Variants in TBC1D8B observed in about 807,000 individuals in gnomAD.
TBC1D8B encodes TBC1 domain family member 8B.
Under a neutral mutation model 82.9 loss-of-function variants are expected in TBC1D8B, and 75 were observed. That is an observed-to-expected ratio of 0.90 (90% CI 0.75 to 1.10). The LOEUF (loss-of-function observed/expected upper bound fraction) is 1.10. Among genes scored for constraint, TBC1D8B ranks in the 50% least tolerant of loss-of-function variants. The probability of loss-of-function intolerance (pLI) is 0.00; values close to 1 mark genes in which losing one functional copy is unlikely to be tolerated. For missense variants in TBC1D8B, 794 were observed against 796.9 expected (o/e 1.00, Z 0.04); for synonymous variants, 276 against 276.8 (o/e 1.00, Z 0.03).
At chrX:106,807,706 G>C (rs1223376163) in intron 1 of TBC1D8B, among the ~76,000 whole-genome samples, 2 of 110,872 alleles carry the variant, frequency 1.8e-5, no homozygotes, top group East Asian at 5.7e-4. Flanking sequence ...GAGGAAAACA[G>C]TGTGATTTGC....
At chrX:106,836,268 AACTC>A (rs913968461) in intron 7 of TBC1D8B, among the ~76,000 whole-genome samples, 25 of 111,563 alleles carry the variant, frequency 2.2e-4, no homozygotes, top group African/African-American at 8.1e-4. Context: ...ATCTCTTGAG[AACTC>A]ACTCACTATC....
chrX:106,831,216 T>C (rs1403782800), intron 7 of TBC1D8B, among the ~76,000 whole-genome samples: 1 of 111,806 alleles, frequency 8.9e-6, no homozygotes, highest in Non-Finnish European at 1.9e-5. Context: ...AGCCTTTTAC[T>C]GCTATCTCCA....
rs61326496 is a variant in TBC1D8B, at chrX:106,872,455, TTATATATATATATA to T, written c.2968-1095_2968-1082del. Reference sequence around the variant, plus strand: ...GTGAACTAGGAACCCAGAAAAATATTTATATATATATATATATATATATATATATATATGGAATT... The same window carrying T: ...GTGAACTAGGAACCCAGAAAAATATTTATATATATATATATATATGGAATT... On this transcript the variant is annotated intron_variant, in intron 20 of 20. Coordinates refer to ENST00000357242, the MANE Select transcript of TBC1D8B (RefSeq NM_017752.3). Among the ~76,000 whole-genome samples the T allele has an allele frequency of 1.5e-3, 111 of 73,294 alleles. 3 individuals are homozygous for T. Among genetic ancestry groups the T allele is most frequent in the African/African-American group, 6.5e-3 (107 of 16,519 alleles). 63.6% of individuals were successfully genotyped at this position (73,294 alleles called of 115,157 possible). A position where few individuals can be genotyped will look rare whatever the true frequency, so the allele number is the denominator to read the frequency against.
chrX:106,840,102 C>T lies in TBC1D8B; in HGVS notation c.1408C>T (p.Arg470Cys), dbSNP rs747511402. 16 of 1,206,615 alleles carry T rather than the reference C, an allele frequency of 1.3e-5. 1 individual carries two copies. In the South Asian group the frequency reaches 1.4e-4, roughly 11 times the overall value. The change falls in exon 9 of 21, where the codon CGT becomes TGT. Residue 470 changes from arginine to cysteine, a missense_variant. Coordinates refer to ENST00000357242, the MANE Select transcript of TBC1D8B (RefSeq NM_017752.3). Reference sequence around the variant, plus strand: ...GAAAATACTGTTTGCAGAATGTGGACGTGGTGTTAGTATGTTTCGAACCAA... The same window carrying T: ...GAAAATACTGTTTGCAGAATGTGGATGTGGTGTTAGTATGTTTCGAACCAA... Reference protein sequence around the residue: ...SWKILFAECGRGVSMFRTKKT... With the variant: ...SWKILFAECGCGVSMFRTKKT...
chrX:106,843,362 C>A (rs1246770162), intron 10 of TBC1D8B, among the ~76,000 whole-genome samples: 1 of 111,381 alleles, frequency 9.0e-6, no homozygotes, highest in Non-Finnish European at 1.9e-5. Flanking sequence ...TATTTTTTTA[C>A]CAAATCTCCC....
intron 12 of TBC1D8B, among the ~76,000 whole-genome samples, chrX:106,850,853 G>A (rs995823195): frequency 8.9e-6 from 1 of 111,845 alleles, no homozygotes; most frequent in African/African-American, 3.3e-5. Context: ...ATCCCATTAT[G>A]TACAGAATAA....
chrX:106,833,132 G>A (rs1295175335), intron 7 of TBC1D8B, among the ~76,000 whole-genome samples: 1 of 111,215 alleles, frequency 9.0e-6, no homozygotes, highest in Non-Finnish European at 1.9e-5. Flanking sequence ...ATTATACCGA[G>A]TTTATGAAGT....
At chrX:106,852,784 T>G (rs1354988529) in intron 12 of TBC1D8B, among the ~76,000 whole-genome samples, 38 of 111,256 alleles carry the variant, frequency 3.4e-4, no homozygotes, top group Non-Finnish European at 6.8e-4. Context: ...TATCTCTGTT[T>G]TGGTACCAGT....
chrX:106,867,495 G>T (rs1310908790), intron 17 of TBC1D8B, among the ~76,000 whole-genome samples: 1 of 111,434 alleles, frequency 9.0e-6, no homozygotes, highest in Non-Finnish European at 1.9e-5. Flanking sequence ...TGACTCCAAA[G>T]CTCACATTTC....
rs1156544717 is a variant in TBC1D8B, at chrX:106,846,083, C to T, written c.1720-2103C>T. Among the ~76,000 whole-genome samples the T allele has an allele frequency of 1.5e-4, 14 of 94,204 alleles. No individual in the cohort carries two copies. In the East Asian group the frequency reaches 2.3e-3, roughly 15 times the overall value. The allele number at this position is 94,204 out of a possible 115,157, so 81.8% of individuals were successfully genotyped here. ...CTAGATGTTGGTTTCTTTCTTTTTT[C>T]TCTCTCTCTCTCTTTTTTTTTTTTT... On this transcript the variant is annotated intron_variant, in intron 10 of 20. Transcript: ENST00000357242.
intron 1 of TBC1D8B, among the ~76,000 whole-genome samples, chrX:106,807,454 C>CTTT (rs753069652): frequency 1.2e-5 from 1 of 85,684 alleles, no homozygotes; most frequent in Non-Finnish European, 2.3e-5. Flanking sequence ...TTACCCTCAC[C>CTTT]TTTTTTTTTT....
At position 106,854,741 on chromosome X, in the gene TBC1D8B, A is replaced by G. The variant is rs368947294; in HGVS notation, c.2352+445A>G. On this transcript the variant is annotated intron_variant, in intron 14 of 20. Coordinates refer to ENST00000357242, the MANE Select transcript of TBC1D8B (RefSeq NM_017752.3). ...ATGTTTCCCAGGCTGTCTCAAACCCATGGGCTCAAGAGATCCTCCTTGCCT... is the reference window on the plus strand; with the variant it reads ...ATGTTTCCCAGGCTGTCTCAAACCCGTGGGCTCAAGAGATCCTCCTTGCCT... Among the ~76,000 whole-genome samples, 8 of 110,588 alleles carry G rather than the reference A, an allele frequency of 7.2e-5. No individual in the cohort carries two copies. In the East Asian group the frequency reaches 2.3e-3, roughly 32 times the overall value.
chrX:106,843,816 A>T (rs2147755262), intron 10 of TBC1D8B, among the ~76,000 whole-genome samples: 1 of 111,355 alleles, frequency 9.0e-6, no homozygotes, highest in South Asian at 3.7e-4. Context: ...TATTAACAAT[A>T]TTAACTCTTC....
chrX:106,869,331 A>C (rs1356356488), intron 18 of TBC1D8B, among the ~76,000 whole-genome samples, 154 bp from the exon 19 acceptor site: 1 of 112,301 alleles, frequency 8.9e-6, no homozygotes, highest in East Asian at 2.8e-4. Flanking sequence ...AAGTTTTGGA[A>C]TATTTTGTCT....
At chrX:106,859,563 C>T (rs1401444962) in intron 14 of TBC1D8B, among the ~76,000 whole-genome samples, 1 of 111,736 alleles carries the variant, frequency 8.9e-6, no homozygotes, top group Non-Finnish European at 1.9e-5. Flanking sequence ...GAAACTTTGC[C>T]AAAGTTGTTT....
At chrX:106,821,185 A>C (rs1602410592) in intron 3 of TBC1D8B, among the ~76,000 whole-genome samples, 190 bp downstream of exon 3, 1 of 111,261 alleles carries the variant, frequency 9.0e-6, no homozygotes, top group East Asian at 2.8e-4. Flanking sequence ...GGAGATTGAT[A>C]GATATTGAAA....
intron 1 of TBC1D8B, among the ~76,000 whole-genome samples, chrX:106,810,395 G>T (rs768291936): frequency 1.1e-3 from 125 of 111,782 alleles, no homozygotes; most frequent in Non-Finnish European, 1.8e-3. Flanking sequence ...CATTTACGTG[G>T]AGTTGAAAAT....
intron 7 of TBC1D8B, among the ~76,000 whole-genome samples, chrX:106,832,707 AG>A (rs2147744477): frequency 8.9e-6 from 1 of 111,879 alleles, no homozygotes; most frequent in East Asian, 2.8e-4. Context: ...TCATATAGTT[AG>A]TAAGATAGTT....
intron 12 of TBC1D8B, among the ~76,000 whole-genome samples, chrX:106,852,572 C>T (rs1170531724): frequency 9.0e-6 from 1 of 111,025 alleles, no homozygotes; most frequent in African/African-American, 3.3e-5. Context: ...GTCTGTAATC[C>T]ATCTTGAATT....
Sources: gnomAD v4.1 joint callset for allele counts (sites outside exome capture counted in the v4.1 genomes callset) on GRCh38, gnomAD v4.1.1 for gene constraint, MANE v1.5 for transcripts, NCBI Gene and HGNC (gene_info 2026-07-23, HGNC 2026-07-21) for gene names.